The following MTHFD1 variants were observed in gnomAD, a reference collection of about 807,000 sequenced individuals.
MTHFD1 encodes the protein methylenetetrahydrofolate dehydrogenase, cyclohydrolase and formyltetrahydrofolate synthetase 1, also known as C-1-tetrahydrofolate synthase, cytoplasmic.
Under a neutral mutation model 110.3 loss-of-function variants are expected in MTHFD1, and 44 were observed. The observed-to-expected ratio is 0.40, with a 90% CI of 0.31 to 0.51. The LOEUF (loss-of-function observed/expected upper bound fraction) is 0.51, where lower values mean the gene tolerates loss of function less well. MTHFD1 is among the 20% of genes least tolerant of loss of function. The probability of loss-of-function intolerance (pLI) is 0.60; values close to 1 mark genes in which losing one functional copy is unlikely to be tolerated. For synonymous variants in MTHFD1, 402 were observed against 428.8 expected (o/e 0.94, Z 0.77); for missense variants, 909 against 1,173.1 (o/e 0.77, Z 3.29).
At chr14:64,397,162 T>A (rs2077860227) in intron 1 of MTHFD1, among the ~76,000 whole-genome samples, 6 of 13,724 alleles carry the variant, frequency 4.4e-4, no homozygotes, top group Non-Finnish European at 6.6e-4. Flanking sequence ...TATATATATA[T>A]ATATATATAT....
chr14:64,407,546 C>CTT (rs1215785833), intron 2 of MTHFD1, among the ~76,000 whole-genome samples: 1 of 51,988 alleles, frequency 1.9e-5, no homozygotes. Context: ...CACTCTCTCT[C>CTT]TTTTTTTTTT....
intron 26 of MTHFD1, chr14:64,455,089 G>A (rs567370025): frequency 3.5e-6 from 2 of 577,950 alleles, no homozygotes; most frequent in South Asian, 1.9e-5. Flanking sequence ...CAAGAATGAT[G>A]CCAGGACTAC....
At chr14:64,408,979 A>G (rs1334881419) in intron 2 of MTHFD1, among the ~76,000 whole-genome samples, 2 of 152,138 alleles carry the variant, frequency 1.3e-5, no homozygotes, top group Non-Finnish European at 2.9e-5. Context: ...TAAAACCTAT[A>G]CTAAGAGTGA....
chr14:64,448,472 C>T, intron 23 of MTHFD1, 155 bp downstream of exon 23: 1 of 689,506 alleles, frequency 1.5e-6, no homozygotes, highest in Non-Finnish European at 2.6e-6. Context: ...GCATACGTCA[C>T]TGCGGGCTCA....
chr14:64,440,275 C>A lies in MTHFD1; in HGVS notation c.1815+9C>A, dbSNP rs781379260. On this transcript the variant is annotated intron_variant, in intron 18 of 27. Transcript: ENST00000652337. ...TCAGTGCCGAAGATCTGGTGGGTAC[C>A]CAGACACGCCAGGCTTGGCGACATA... 4.3e-6 allele frequency: 7 copies of A among 1,614,134 alleles called. No individual in the cohort carries two copies. The highest frequency in any genetic ancestry group is 4.5e-5 in the East Asian group (2 of 44,882).
chr14:64,442,350 T>G lies in MTHFD1; in HGVS notation c.2084T>G (p.Val695Gly). Reference sequence around the variant, plus strand: ...TATTCCGGCCTCTGCCCCCACGTGGTGGTGCTTGTTGCCACTGTCAGGGCT... The same window carrying G: ...TATTCCGGCCTCTGCCCCCACGTGGGGGTGCTTGTTGCCACTGTCAGGGCT... ...CRYSGLCPHVVVLVATVRALK... is the reference protein window; with the variant it reads ...CRYSGLCPHVGVLVATVRALK... Residue 695 changes from valine to glycine, a missense_variant, in exon 21 of 28, where the codon GTG becomes GGG. Coordinates refer to ENST00000652337, the MANE Select transcript of MTHFD1 (RefSeq NM_005956.4). 1 of 1,614,190 alleles carries G rather than the reference T, an allele frequency of 6.2e-7. No homozygotes were observed. The highest frequency in any genetic ancestry group is 8.5e-7 in the Non-Finnish European group (1 of 1,180,020).
intron 8 of MTHFD1, among the ~76,000 whole-genome samples, chr14:64,423,235 T>G (rs987391778): frequency 3.9e-5 from 6 of 152,126 alleles, no homozygotes; most frequent in Admixed American, 1.3e-4. Context: ...ATATAAAAAA[T>G]ATCTTACGTA....
At chr14:64,418,506 A>G (rs985342866) in intron 7 of MTHFD1, among the ~76,000 whole-genome samples, 2 of 151,734 alleles carry the variant, frequency 1.3e-5, no homozygotes, top group Admixed American at 1.3e-4. Flanking sequence ...AGCATGCTGA[A>G]GTTTATACAG....
intron 16 of MTHFD1, among the ~76,000 whole-genome samples, chr14:64,438,574 T>C (rs575250126): frequency 6.6e-6 from 1 of 152,348 alleles, no homozygotes; most frequent in Admixed American, 6.5e-5. Context: ...TATAATTGGA[T>C]AGATATTCTG....
chr14:64,399,656 CAAAAAA>C (rs34735594), intron 1 of MTHFD1, among the ~76,000 whole-genome samples: 1 of 113,188 alleles, frequency 8.8e-6, no homozygotes, highest in Admixed American at 8.7e-5. Flanking sequence ...GTCCCCATCT[CAAAAAA>C]AAAAAAAAAA....
At chr14:64,430,762 G>A (rs974482492) in intron 13 of MTHFD1, among the ~76,000 whole-genome samples, 2 of 152,138 alleles carry the variant, frequency 1.3e-5, no homozygotes, top group African/African-American at 4.8e-5. Context: ...CAGTGGGAAT[G>A]ATTATTATAA....
intron 4 of MTHFD1, among the ~76,000 whole-genome samples, 181 bp downstream of exon 4, chr14:64,412,706 C>T (rs971789405): frequency 9.0e-5 from 13 of 144,706 alleles, no homozygotes; most frequent in Non-Finnish European, 6.0e-5. Flanking sequence ...GATGCGATCT[C>T]GACTCTCTGC....
At chr14:64,406,494 T>G (rs1226703124) in intron 2 of MTHFD1, among the ~76,000 whole-genome samples, 1 of 147,394 alleles carries the variant, frequency 6.8e-6, no homozygotes, top group Non-Finnish European at 1.5e-5. Flanking sequence ...TTTGTGGTTT[T>G]TTTTTTTTTT....
intron 15 of MTHFD1, among the ~76,000 whole-genome samples, chr14:64,435,208 C>T (rs1381458047): frequency 6.6e-6 from 1 of 152,026 alleles, no homozygotes; most frequent in African/African-American, 2.4e-5. Context: ...ATCTCAGCTT[C>T]CCATAGTGCT....
intron 2 of MTHFD1, 121 bp downstream of exon 2, chr14:64,400,998 GTC>G (rs1320618394): frequency 9.3e-6 from 7 of 750,792 alleles, no homozygotes; most frequent in Admixed American, 4.1e-5. Flanking sequence ...TGCCTTTTCA[GTC>G]TCTCTTGGCA....
intron 16 of MTHFD1, among the ~76,000 whole-genome samples, chr14:64,438,257 T>A (rs1442262935): frequency 6.6e-6 from 1 of 152,176 alleles, no homozygotes; most frequent in Non-Finnish European, 1.5e-5. Context: ...AATCATTTGG[T>A]CTTTTTGGTG....
At position 64,412,518 on chromosome 14, in the gene MTHFD1, A is replaced by T; in HGVS notation, c.233A>T (p.Glu78Val). 6.2e-7 allele frequency: 1 copy of T among 1,612,958 alleles called. No homozygotes were observed. The highest frequency in any genetic ancestry group is 8.5e-7 in the Non-Finnish European group (1 of 1,179,026). Residue 78 changes from glutamate (E) to valine (V), a missense_variant, in exon 4 of 28, where the codon GAA becomes GTA. Around this residue, in one of 3 missense-constraint regions of MTHFD1, gnomAD observed 424 missense variants for 510.4 expected, o/e 0.83. Transcript: ENST00000652337. ...ATTAAGTTACCAAGAACAACCACAGAATCTGAGGTGAGCTTTTATGAGTTG... is the reference window on the plus strand; with the variant it reads ...ATTAAGTTACCAAGAACAACCACAGTATCTGAGGTGAGCTTTTATGAGTTG... The part of the protein sequence containing the change: ...THIKLPRTTT[E>V]SEVMKYITSL...
intron 24 of MTHFD1, among the ~76,000 whole-genome samples, chr14:64,450,405 G>A (rs145188851): frequency 3.3e-5 from 5 of 152,226 alleles, no homozygotes; most frequent in South Asian, 4.2e-4. Flanking sequence ...CAAGTTGAGG[G>A]CCCTCACATG....
In MTHFD1 at chr14:64,406,092, G is replaced by A. The variant is rs1424548709; in HGVS notation, c.127-4998G>A. ...TTGCTCTTGTCACCCAGGCTGGAGT[G>A]CAATGGCACGATCTCGGCGCACTGC... On this transcript the variant is annotated intron_variant, in intron 2 of 27. Coordinates refer to ENST00000652337, the MANE Select transcript of MTHFD1 (RefSeq NM_005956.4). Among the ~76,000 whole-genome samples, 3 of 150,790 alleles carry A rather than the reference G, an allele frequency of 2.0e-5. No homozygotes were observed. In the Admixed American group the frequency reaches 2.0e-4, roughly 10 times the overall value.
Sources: gnomAD v4.1 joint callset for allele counts (sites outside exome capture counted in the v4.1 genomes callset) on GRCh38, gnomAD v4.1.1 for gene constraint, gnomAD v4.1.1 regional missense constraint, MANE v1.5 for transcripts, NCBI Gene and HGNC (gene_info 2026-07-23, HGNC 2026-07-21) for gene names.